HS6ST3: variants seen among roughly 807,000 people sequenced by gnomAD.
HS6ST3 encodes heparan-sulfate 6-O-sulfotransferase 3.
HS6ST3 carries 12 observed loss-of-function variants against 36.7 expected under a neutral mutation model. The observed-to-expected ratio is 0.33, with a 90% CI of 0.21 to 0.53. HS6ST3 has a LOEUF of 0.53. HS6ST3 is among the 20% of genes least tolerant of loss of function. The pLI, the probability that HS6ST3 is intolerant of heterozygous loss-of-function variation, is 0.95. For missense variants in HS6ST3, 584 were observed against 640.9 expected, an observed-to-expected ratio of 0.91 and a Z score of 0.96; for synonymous variants, 240 against 257.5, an observed-to-expected ratio of 0.93 and a Z score of 0.65.
At chr13:96,765,351 C>T (rs900885330) in intron 1 of HS6ST3, among the ~76,000 whole-genome samples, 3 of 152,092 alleles carry the variant, frequency 2.0e-5, no homozygotes, top group Non-Finnish European at 2.9e-5. Context: ...GGATTACAGG[C>T]GTGAACCACC....
chr13:96,601,698 C>T (rs1053037404), intron 1 of HS6ST3, among the ~76,000 whole-genome samples: 14 of 151,898 alleles, frequency 9.2e-5, no homozygotes, highest in South Asian at 6.3e-4. Context: ...TTTCATATTA[C>T]GAGAATTATT....
At chr13:96,625,786 C>T (rs979794512) in intron 1 of HS6ST3, among the ~76,000 whole-genome samples, 1 of 150,332 alleles carries the variant, frequency 6.7e-6, no homozygotes, top group Non-Finnish European at 1.5e-5. Context: ...GTCCCAATTT[C>T]TGTTAGTCTT....
At chr13:96,128,799 G>A (rs1480174229) in intron 1 of HS6ST3, among the ~76,000 whole-genome samples, 1 of 151,780 alleles carries the variant, frequency 6.6e-6, no homozygotes, top group Middle Eastern at 3.2e-3. Context: ...ATGTGCCTGG[G>A]AGATCTTTCC....
intron 1 of HS6ST3, among the ~76,000 whole-genome samples, chr13:96,233,659 A>G (rs922788391): frequency 6.6e-6 from 1 of 152,198 alleles, no homozygotes; most frequent in Non-Finnish European, 1.5e-5. Context: ...AATGAAACAC[A>G]ATAGAAAACA....
At chr13:96,763,467 G>A (rs1238051522) in intron 1 of HS6ST3, among the ~76,000 whole-genome samples, 1 of 150,334 alleles carries the variant, frequency 6.7e-6, no homozygotes, top group African/African-American at 2.4e-5. Context: ...CTCCAGCCTG[G>A]GCAACAGAGT....
At position 96,832,678 on chromosome 13, in the gene HS6ST3, T is replaced by C. The variant is rs1878833301; in HGVS notation, c.896T>C (p.Met299Thr). ...DWSGVSLREF[M>T]DCTYNLANNR... ...TCTGGGGTCAGCTTGCGGGAGTTTA[T>C]GGATTGCACCTACAACCTGGCTAAC... The change falls in exon 2 of 2, where the codon ATG becomes ACG. Residue 299 changes from methionine (M) to threonine (T), a missense_variant. Physicochemically the swap from Met to Thr is moderately conservative, Grantham distance 81. This residue lies in a region of HS6ST3 where 360 missense variants were observed against 411.3 expected (regional missense o/e 0.88). Transcript: ENST00000376705. The C allele has an allele frequency of 1.2e-6, 2 of 1,614,040 alleles. No individual in the cohort carries two copies. Among genetic ancestry groups the C allele is most frequent in the Non-Finnish European group, 1.7e-6 (2 of 1,179,958 alleles).
intron 1 of HS6ST3, among the ~76,000 whole-genome samples, chr13:96,170,362 T>C (rs201063354): frequency 6.6e-6 from 1 of 152,240 alleles, no homozygotes; most frequent in Non-Finnish European, 1.5e-5. Flanking sequence ...GATTCGAATC[T>C]GGGCTGCTGC....
At chr13:96,740,989 A>G (rs1011759216) in intron 1 of HS6ST3, among the ~76,000 whole-genome samples, 4 of 152,222 alleles carry the variant, frequency 2.6e-5, no homozygotes, top group South Asian at 2.1e-4. Flanking sequence ...ACTGCTAAGC[A>G]AAGGCACTTT....
chr13:96,194,327 C>T (rs1422885052), intron 1 of HS6ST3, among the ~76,000 whole-genome samples: 4 of 25,874 alleles, frequency 1.5e-4, no homozygotes, highest in Non-Finnish European at 3.4e-4. Flanking sequence ...TTAGCTCTGG[C>T]CTCTGAATTT....
At chr13:96,643,076 T>A (rs1409252633) in intron 1 of HS6ST3, among the ~76,000 whole-genome samples, 1 of 152,026 alleles carries the variant, frequency 6.6e-6, no homozygotes, top group Non-Finnish European at 1.5e-5. Flanking sequence ...TATTATTTGT[T>A]TGCTTAGTGA....
At chr13:96,830,109 T>A (rs1878743471) in intron 1 of HS6ST3, among the ~76,000 whole-genome samples, 1 of 152,186 alleles carries the variant, frequency 6.6e-6, no homozygotes, top group Non-Finnish European at 1.5e-5. Flanking sequence ...ATTCAACACT[T>A]TTTTATAAAA....
intron 1 of HS6ST3, among the ~76,000 whole-genome samples, chr13:96,618,520 G>T (rs1445523347): frequency 6.6e-6 from 1 of 152,090 alleles, no homozygotes; most frequent in Non-Finnish European, 1.5e-5. Flanking sequence ...CTCAGGTATT[G>T]GGGCCCTTAT....
In HS6ST3 at chr13:96,098,666, T is replaced by TAAATAAAATA. The variant is rs58291935; in HGVS notation, c.707+7101_707+7110dup. Among the ~76,000 whole-genome samples, 9 of 151,304 alleles carry TAAATAAAATA rather than the reference T, an allele frequency of 5.9e-5. No individual in the cohort carries two copies. The South Asian group carries it at 8.4e-4, about 14-fold the overall frequency. On this transcript the variant is annotated intron_variant, in intron 1 of 1. Coordinates refer to ENST00000376705, the MANE Select transcript of HS6ST3 (RefSeq NM_153456.4). ...GTGAAACCCTATCTCTAAAAATAAA[T>TAAATAAAATA]AAATAAAATAAAAGCATGAACTCTG...
chr13:96,715,411 T>C (rs986616969), intron 1 of HS6ST3, among the ~76,000 whole-genome samples: 1 of 152,160 alleles, frequency 6.6e-6, no homozygotes, highest in Non-Finnish European at 1.5e-5. Context: ...TCTAAAAACT[T>C]TGTAAATAAG....
chr13:96,686,915 C>T (rs1262219510), intron 1 of HS6ST3, among the ~76,000 whole-genome samples: 3 of 151,966 alleles, frequency 2.0e-5, no homozygotes, highest in Admixed American at 6.6e-5. Flanking sequence ...TACTCCAAAA[C>T]ATGTGATAAT....
rs148426930 is a variant in HS6ST3, at chr13:96,762,399, GAACCC to G, written c.708-70089_708-70085del. ...GGAGGCTGAGGCAAGAGAATTGCTGGAACCCAGGAGATGGAGGTTGCAGTGAGCCG... is the reference window on the plus strand; with the variant it reads ...GGAGGCTGAGGCAAGAGAATTGCTGGAGGAGATGGAGGTTGCAGTGAGCCG... On this transcript the variant is annotated intron_variant, in intron 1 of 1. Coordinates refer to ENST00000376705, the MANE Select transcript of HS6ST3 (RefSeq NM_153456.4). Among the ~76,000 whole-genome samples the G allele has an allele frequency of 9.4e-3, 1,434 of 152,266 alleles. 18 individuals carry two copies. Among genetic ancestry groups the G allele is most frequent in the African/African-American group, 0.033 (1,351 of 41,562 alleles).
chr13:96,570,884 T>G (rs1252552381), intron 1 of HS6ST3, among the ~76,000 whole-genome samples: 2 of 152,214 alleles, frequency 1.3e-5, no homozygotes, highest in South Asian at 2.1e-4. Flanking sequence ...AGGGTACGGT[T>G]GCTTGAGGCT....
At chr13:96,333,019 T>C (rs1457914057) in intron 1 of HS6ST3, among the ~76,000 whole-genome samples, 1 of 152,224 alleles carries the variant, frequency 6.6e-6, no homozygotes, top group Admixed American at 6.5e-5. Context: ...ACACCAAATT[T>C]ACTGGCACCT....
intron 1 of HS6ST3, among the ~76,000 whole-genome samples, chr13:96,275,819 C>G (rs10492588): frequency 0.027 from 4,049 of 150,886 alleles, 184 homozygotes; most frequent in African/African-American, 0.091. Context: ...ATTAAATAAT[C>G]CAAATGCCAG....
Sources: allele counts gnomAD v4.1 joint callset (sites outside exome capture counted in the v4.1 genomes callset), GRCh38; gene constraint gnomAD v4.1.1; regional missense constraint gnomAD v4.1.1; transcripts MANE v1.5; gene names NCBI Gene and HGNC (gene_info 2026-07-23, HGNC 2026-07-21).